GRIP1: variants seen among roughly 807,000 people sequenced by gnomAD.
GRIP1 encodes the protein glutamate receptor interacting protein 1.
GRIP1 carries 45 observed loss-of-function variants against 129.9 expected under a neutral mutation model. That is an observed-to-expected ratio of 0.35 (90% CI 0.27 to 0.44). The LOEUF (loss-of-function observed/expected upper bound fraction) is 0.44, where lower values mean the gene tolerates loss of function less well. Ranked by LOEUF, GRIP1 falls within the 20% of genes least tolerant of loss-of-function variation. The probability of loss-of-function intolerance (pLI) is 1.00; values close to 1 mark genes in which losing one functional copy is unlikely to be tolerated. For synonymous variants in GRIP1, 530 were observed against 520.8 expected (o/e 1.02, Z -0.24); for missense variants, 1,196 against 1,396.8 (o/e 0.86, Z 2.29).
chr12:66,578,232 G>GTTTTTTTTTTTTTTTTTTTTTTT (rs547352236), intron 2 of GRIP1, among the ~76,000 whole-genome samples: 1 of 102,514 alleles, frequency 9.8e-6, no homozygotes, highest in Non-Finnish European at 1.9e-5. Flanking sequence ...CAAAACCGCG[G>GTTTTTTTTTTTTTTTTTTTTTTT]TTTTTTTTTT....
intron 16 of GRIP1, among the ~76,000 whole-genome samples, chr12:66,397,427 C>T (rs188576381): frequency 0.016 from 2,374 of 151,474 alleles, 75 homozygotes; most frequent in African/African-American, 0.053. Flanking sequence ...GCAGGAGAAT[C>T]GCTTAAACCT....
intron 19 of GRIP1, among the ~76,000 whole-genome samples, chr12:66,389,751 T>C (rs1277110523): frequency 1.3e-5 from 2 of 152,226 alleles, no homozygotes; most frequent in African/African-American, 4.8e-5. Flanking sequence ...AGTGACCAGC[T>C]TGCTTTGCTC....
At chr12:66,988,620 C>G (rs2042349776) in intron 1 of GRIP1, among the ~76,000 whole-genome samples, 2 of 152,140 alleles carry the variant, frequency 1.3e-5, no homozygotes, top group African/African-American at 4.8e-5. Flanking sequence ...CTCAAGTGAT[C>G]CCCGTCTCGG....
chr12:66,911,760 T>C (rs2041033307), intron 1 of GRIP1, among the ~76,000 whole-genome samples: 1 of 152,188 alleles, frequency 6.6e-6, no homozygotes, highest in Admixed American at 6.5e-5. Context: ...CATACAAGTA[T>C]ATTGAAATAT....
intron 2 of GRIP1, among the ~76,000 whole-genome samples, chr12:66,584,159 C>G (rs1186527553): frequency 6.8e-6 from 1 of 146,172 alleles, no homozygotes; most frequent in African/African-American, 2.5e-5. Context: ...ATCGCAAGAA[C>G]AAAAAACCAA....
Position 66,582,029 on chromosome 12 carries a change from C to A in GRIP1, c.136+14818G>T, listed in dbSNP as rs552586802. ...CAATAAAATACTGGCAAACTGAATC[C>A]AGCAGCACATCAAAAAGCTTATCCA... is the stretch of plus-strand genomic sequence containing the variant. On this transcript the variant is annotated intron_variant, in intron 2 of 24. Transcript: ENST00000359742. Among the ~76,000 whole-genome samples, 8 of 152,222 alleles carry A rather than the reference C, an allele frequency of 5.3e-5. No homozygotes were observed. In the South Asian group the frequency reaches 1.5e-3, roughly 28 times the overall value.
intron 24 of GRIP1, among the ~76,000 whole-genome samples, chr12:66,352,020 A>G (rs533088116): frequency 6.6e-6 from 1 of 152,304 alleles, no homozygotes; most frequent in Non-Finnish European, 1.5e-5. Context: ...GAGCATTCAG[A>G]GAAAGGAAAG....
chr12:66,527,315 G>A (rs2061281273), intron 5 of GRIP1, among the ~76,000 whole-genome samples: 1 of 151,726 alleles, frequency 6.6e-6, no homozygotes, highest in African/African-American at 2.4e-5. Context: ...AGAAAATGTG[G>A]CACATATACA....
At chr12:66,531,252 A>AATAT (rs71069009) in intron 4 of GRIP1, among the ~76,000 whole-genome samples, 192 of 19,240 alleles carry the variant, frequency 1.0e-2, no homozygotes, top group Non-Finnish European at 0.012. Flanking sequence ...AAAAAAAAAA[A>AATAT]ATATATATAT....
At chr12:66,502,332 C>T (rs995208604) in intron 7 of GRIP1, among the ~76,000 whole-genome samples, 1 of 152,156 alleles carries the variant, frequency 6.6e-6, no homozygotes, top group African/African-American at 2.4e-5. Context: ...GTTACTCCTA[C>T]TCTGAATCAA....
chr12:66,768,908 G>A (rs1447981884), intron 1 of GRIP1, among the ~76,000 whole-genome samples: 1 of 152,146 alleles, frequency 6.6e-6, no homozygotes, highest in Non-Finnish European at 1.5e-5. Context: ...GAATCTCTGG[G>A]CATGTGACCC....
intron 1 of GRIP1, among the ~76,000 whole-genome samples, chr12:66,673,213 G>A (rs925614488): frequency 1.3e-5 from 2 of 152,104 alleles, no homozygotes; most frequent in Non-Finnish European, 1.5e-5. Context: ...TCATCTGTAT[G>A]GTGGGGATAA....
At chr12:66,800,892 C>T (rs2038838393) in intron 1 of GRIP1, among the ~76,000 whole-genome samples, 1 of 152,042 alleles carries the variant, frequency 6.6e-6, no homozygotes, top group Non-Finnish European at 1.5e-5. Flanking sequence ...CTCGGATTTA[C>T]AAACATCTTC....
chr12:66,509,963 A>G (rs572343531), intron 7 of GRIP1, among the ~76,000 whole-genome samples: 1 of 149,902 alleles, frequency 6.7e-6, no homozygotes, highest in Non-Finnish European at 1.5e-5. Flanking sequence ...GTTGAAGAAG[A>G]AAAAAAAAAG....
At chr12:66,823,050 A>G (rs2039347845) in intron 1 of GRIP1, among the ~76,000 whole-genome samples, 1 of 152,242 alleles carries the variant, frequency 6.6e-6, no homozygotes, top group Non-Finnish European at 1.5e-5. Context: ...TAGGTCTTCA[A>G]CTGAAAACAG....
At chr12:66,497,241 A>G (rs578127988) in intron 7 of GRIP1, among the ~76,000 whole-genome samples, 3 of 152,218 alleles carry the variant, frequency 2.0e-5, no homozygotes, top group Non-Finnish European at 4.4e-5. Flanking sequence ...TATAATTGTG[A>G]TAATTACTAT....
intron 7 of GRIP1, among the ~76,000 whole-genome samples, chr12:66,496,457 A>G (rs913855515): frequency 2.0e-5 from 3 of 152,196 alleles, no homozygotes; most frequent in Non-Finnish European, 4.4e-5. Flanking sequence ...AGCGTTATCT[A>G]AAATAGGAGG....
intron 1 of GRIP1, among the ~76,000 whole-genome samples, chr12:67,065,890 T>C (rs1372646890): frequency 1.3e-5 from 2 of 152,238 alleles, no homozygotes; most frequent in Non-Finnish European, 2.9e-5. Context: ...GGAAGAGATA[T>C]CAAACAGGAC....
At chr12:66,382,675 C>T (rs984097759) in intron 19 of GRIP1, among the ~76,000 whole-genome samples, 2 of 152,162 alleles carry the variant, frequency 1.3e-5, no homozygotes, top group Admixed American at 1.3e-4. Flanking sequence ...TAAGTCTCAG[C>T]ATCATTAATG....
Sources: gnomAD v4.1 joint callset for allele counts (sites outside exome capture counted in the v4.1 genomes callset) on GRCh38, gnomAD v4.1.1 for gene constraint, MANE v1.5 for transcripts, NCBI Gene and HGNC (gene_info 2026-07-23, HGNC 2026-07-21) for gene names.